Variants in CYB561 observed in about 807,000 individuals in gnomAD.
CYB561 encodes the protein cytochrome b561.
Under a neutral mutation model 25.3 loss-of-function variants are expected in CYB561, and 11 were observed. The ratio of observed to expected loss-of-function variants is 0.44; its 90% CI spans 0.27 to 0.72. The LOEUF is 0.72. Ranked by LOEUF, CYB561 falls within the 30% of genes least tolerant of loss-of-function variation. CYB561 has a pLI of 0.18. For synonymous variants in CYB561, 165 were observed against 158.8 expected (o/e 1.04, Z -0.29); for missense variants, 295 against 334.9 (o/e 0.88, Z 0.93).
In CYB561 at chr17:63,437,741, C is replaced by A. The variant is rs886292853; in HGVS notation, c.-13-181G>T. ...TCCCCCCAGATATGCACAGCCCCCC[C>A]CGAAATGCGCACAGCCGCCCCTGCT... On this transcript the variant is annotated intron_variant, in intron 1 of 5. Coordinates refer to ENST00000360793, the MANE Select transcript of CYB561 (RefSeq NM_001915.4). The A allele has an allele frequency of 9.7e-5, 44 of 455,896 alleles. No individual in the cohort carries two copies. The Admixed American group carries it at 1.2e-3, about 13-fold the overall frequency. The allele number at this position is 455,896 out of a possible 1,614,324, so 28.2% of individuals were successfully genotyped here.
chr17:63,439,566 T>G (rs986997368), intron 1 of CYB561, among the ~76,000 whole-genome samples: 7 of 150,376 alleles, frequency 4.7e-5, no homozygotes, highest in African/African-American at 1.2e-4. Context: ...AAAAAAAGGG[T>G]GTGTGTGTGT....
chr17:63,437,550 T>C lies in CYB561; in HGVS notation c.-3A>G. 1.9e-6 allele frequency: 3 copies of C among 1,606,590 alleles called. No individual in the cohort carries two copies. In the South Asian group the frequency reaches 3.3e-5, roughly 18 times the overall value. The stretch of plus-strand genomic sequence containing the variant: ...GCTGCCGCGGCCCCGCCCTCCATGC[T>C]GAGGCAAACGCTGCAAGAAAGAGCA... On this transcript the variant is annotated 5_prime_UTR_variant, in exon 2 of 6. Coordinates refer to ENST00000360793, the MANE Select transcript of CYB561 (RefSeq NM_001915.4).
chr17:63,434,836 C>T (rs1336837004), intron 5 of CYB561, among the ~76,000 whole-genome samples: 1 of 152,230 alleles, frequency 6.6e-6, no homozygotes, highest in Admixed American at 6.5e-5. Context: ...AGCAGTTGTC[C>T]TGCAGATCCT....
Position 63,434,577 on chromosome 17 carries a change from A to C in CYB561, c.581T>G (p.Phe194Cys), listed in dbSNP as rs768949441. 3 of 1,610,932 alleles carry C rather than the reference A, an allele frequency of 1.9e-6. No individual in the cohort carries two copies. In the Admixed American group the frequency reaches 5.0e-5, roughly 27 times the overall value. ...LFNLGGKYSA[F>C]EPEGVLANVL... ...GTTGGCCAGGACACCCTCGGGCTCA[A>C]ATGCGCTATACTTGCCCCTGCAGGG... The change falls in exon 6 of 6, where the codon TTT (phenylalanine) becomes TGT (cysteine). Residue 194 changes from phenylalanine to cysteine, a missense_variant. Physicochemically the swap from Phe to Cys is radical, Grantham distance 205. Transcript: ENST00000360793.
chr17:63,434,570 G>C lies in CYB561; in HGVS notation c.588C>G (p.Pro196=). 6 of 1,611,550 alleles carry C rather than the reference G, an allele frequency of 3.7e-6. No homozygotes were observed. The highest frequency in any genetic ancestry group is 2.2e-5 in the South Asian group (2 of 91,056). The change falls in exon 6 of 6, where the codon CCC becomes CCG. Residue 196 remains proline, a synonymous_variant. Transcript: ENST00000360793. ...CCAGCACGTTGGCCAGGACACCCTCGGGCTCAAATGCGCTATACTTGCCCC... is the reference window on the plus strand; with the variant it reads ...CCAGCACGTTGGCCAGGACACCCTCCGGCTCAAATGCGCTATACTTGCCCC... ...NLGGKYSAFE[P]EGVLANVLGL...
rs1338086728 is a variant in CYB561, at chr17:63,432,774, A to ATGAC, written c.*1624_*1627dup. On this transcript the variant is annotated 3_prime_UTR_variant, in exon 6 of 6. Coordinates refer to ENST00000360793, the MANE Select transcript of CYB561 (RefSeq NM_001915.4). The stretch of plus-strand genomic sequence containing the variant: ...GGACTACAACCACCTGCTCCCAGAA[A>ATGAC]TGACACTGCCTGAGGCAGGAGACAC... 1.3e-5 allele frequency: 2 copies of ATGAC among 152,354 alleles called. No individual in the cohort carries two copies. The highest frequency in any genetic ancestry group is 2.9e-5 in the Non-Finnish European group (2 of 68,128). The allele number at this position is 152,354 out of a possible 1,614,324, so 9.4% of individuals were successfully genotyped here. A position where few individuals can be genotyped will look rare whatever the true frequency, so the allele number is the denominator to read the frequency against.
At position 63,436,271 on chromosome 17, in the gene CYB561, C is replaced by A; in HGVS notation, c.203-119G>T. On this transcript the variant is annotated intron_variant, in intron 2 of 5. Transcript: ENST00000360793. This position sits in a 1 kb window ranked among gnomAD's most constrained non-coding sequence, Gnocchi z 4.8. ...GTGAGCTGACGGCTTGTAACAGGAGCCTAGCTGCAGGAACCGGAGGAGAAA... is the reference window on the plus strand; with the variant it reads ...GTGAGCTGACGGCTTGTAACAGGAGACTAGCTGCAGGAACCGGAGGAGAAA... 1 of 1,288,146 alleles carries A rather than the reference C, an allele frequency of 7.8e-7. No homozygotes were observed. The highest frequency in any genetic ancestry group is 1.5e-5 in the South Asian group (1 of 68,804). The allele number at this position is 1,288,146 out of a possible 1,614,324, so 79.8% of individuals were successfully genotyped here.
At chr17:63,442,338 G>A (rs1003187421) in intron 1 of CYB561, among the ~76,000 whole-genome samples, 1 of 152,176 alleles carries the variant, frequency 6.6e-6, no homozygotes, top group African/African-American at 2.4e-5. Context: ...AGACATTCTG[G>A]TATCTCTGGA....
intron 1 of CYB561, among the ~76,000 whole-genome samples, chr17:63,441,249 A>G (rs1171236653): frequency 6.6e-6 from 1 of 152,230 alleles, no homozygotes; most frequent in East Asian, 1.9e-4. Context: ...TTGGTGTGTC[A>G]GTAGGGTGGG....
intron 1 of CYB561, chr17:63,440,589 G>T: frequency 4.7e-6 from 1 of 211,298 alleles, no homozygotes; most frequent in Non-Finnish European, 9.3e-6. Flanking sequence ...GCCCTCTAGA[G>T]GAGACGCCTG....
At chr17:63,438,260 A>G (rs1478343495) in intron 1 of CYB561, 2 of 1,528,234 alleles carry the variant, frequency 1.3e-6, no homozygotes, top group Non-Finnish European at 1.8e-6. Context: ...TGGGCTTTAC[A>G]GGTGAGTTAC....
Position 63,434,242 on chromosome 17 carries a change from G to T in CYB561, c.*160C>A, listed in dbSNP as rs537273992. Reference sequence around the variant, plus strand: ...AGCGGAGAAAGGAGAAGCAGAGGAGGCGGAGACCTGACCCCAGAAAGCAGC... The same window carrying T: ...AGCGGAGAAAGGAGAAGCAGAGGAGTCGGAGACCTGACCCCAGAAAGCAGC... On this transcript the variant is annotated 3_prime_UTR_variant, in exon 6 of 6. Transcript: ENST00000360793. The T allele has an allele frequency of 3.2e-5, 20 of 625,534 alleles. No individual in the cohort carries two copies. In the African/African-American group the frequency reaches 3.3e-4, roughly 10 times the overall value. 38.7% of individuals were successfully genotyped at this position (625,534 alleles called of 1,614,324 possible).
chr17:63,433,605 G>C lies in CYB561; in HGVS notation c.*797C>G, dbSNP rs770007217. 1.5e-4 allele frequency: 59 copies of C among 384,674 alleles called. No homozygotes were observed. Among genetic ancestry groups the C allele is most frequent in the Middle Eastern group, 1.3e-3 (2 of 1,534 alleles). 23.8% of individuals were successfully genotyped at this position (384,674 alleles called of 1,614,324 possible). A position where few individuals can be genotyped will look rare whatever the true frequency, so the allele number is the denominator to read the frequency against. On this transcript the variant is annotated 3_prime_UTR_variant, in exon 6 of 6. Coordinates refer to ENST00000360793, the MANE Select transcript of CYB561 (RefSeq NM_001915.4). ...GAGCCTGGGAGAGGAAACCAGAGCT[G>C]AGCCGCAAGGGGGGTGCTACAAGGA...
rs956620272 is a variant in CYB561 at position 63,437,460 on chromosome 17, T to G, written c.88A>C (p.Met30Leu). 5 of 1,613,942 alleles carry G rather than the reference T, an allele frequency of 3.1e-6. No individual in the cohort carries two copies. The highest frequency in any genetic ancestry group is 4.2e-6 in the Non-Finnish European group (5 of 1,179,968). ...TACAGCCCGAGCCACGCGCCGGTCATGGCCACCAAGGTCAGGCCCAGCAGC... is the reference window on the plus strand; with the variant it reads ...TACAGCCCGAGCCACGCGCCGGTCAGGGCCACCAAGGTCAGGCCCAGCAGC... Reference protein sequence around the residue: ...SQLLGLTLVAMTGAWLGLYRG... With the variant: ...SQLLGLTLVALTGAWLGLYRG... Residue 30 changes from methionine (M) to leucine (L), a missense_variant, in exon 2 of 6, where the codon ATG (methionine) becomes CTG (leucine). Met to Leu is a conservative substitution (Grantham distance 15). Coordinates refer to ENST00000360793, the MANE Select transcript of CYB561 (RefSeq NM_001915.4).
At chr17:63,441,141 C>A (rs577982856) in intron 1 of CYB561, among the ~76,000 whole-genome samples, 3 of 152,216 alleles carry the variant, frequency 2.0e-5, no homozygotes, top group Non-Finnish European at 2.9e-5. Context: ...CGACTGCCTG[C>A]GGCTTCAACA....
intron 1 of CYB561, among the ~76,000 whole-genome samples, chr17:63,444,199 T>C (rs937782828): frequency 6.6e-6 from 1 of 152,170 alleles, no homozygotes; most frequent in African/African-American, 2.4e-5. Context: ...GCCGGGCCAA[T>C]TGTTATTATT....
In CYB561 at chr17:63,438,208, C is replaced by T. The variant is rs570544821; in HGVS notation, c.-13-648G>A. On this transcript the variant is annotated intron_variant, in intron 1 of 5. Coordinates refer to ENST00000360793, the MANE Select transcript of CYB561 (RefSeq NM_001915.4). ...CTAGTGAGCTCAAGGGCCCAGTGCCCGGCTTTGTTTTCTGTTTCATGAGGC... is the reference window on the plus strand; with the variant it reads ...CTAGTGAGCTCAAGGGCCCAGTGCCTGGCTTTGTTTTCTGTTTCATGAGGC... 1.1e-3 allele frequency: 1,752 copies of T among 1,535,474 alleles called. 15 individuals carry two copies. Among genetic ancestry groups the T allele is most frequent in the South Asian group, 0.011 (906 of 84,030 alleles).
chr17:63,434,030 G>GC lies in CYB561; in HGVS notation c.*371dup, dbSNP rs546890726. The GC allele has an allele frequency of 1.5e-3, 364 of 246,664 alleles. 1 individual carries two copies. The highest frequency in any genetic ancestry group is 6.6e-3 in the African/African-American group (300 of 45,170). 15.3% of individuals were successfully genotyped at this position (246,664 alleles called of 1,614,324 possible). A position where few individuals can be genotyped will look rare whatever the true frequency, so the allele number is the denominator to read the frequency against. On this transcript the variant is annotated 3_prime_UTR_variant, in exon 6 of 6. Transcript: ENST00000360793. ...TGGCCTTTCCAGGCCTGTCCCTGAG[G>GC]CCCCCCCAGTTTCCCCTGGCCTTGC...
intron 4 of CYB561, 37 bp from the exon 5 acceptor site, chr17:63,435,280 G>A: frequency 1.9e-6 from 3 of 1,602,812 alleles, no homozygotes; most frequent in Non-Finnish European, 2.6e-6. Context: ...GGACAGGGCG[G>A]CCGGACACCC....
Sources: allele counts gnomAD v4.1 joint callset (sites outside exome capture counted in the v4.1 genomes callset), GRCh38; gene constraint gnomAD v4.1.1; non-coding constraint Gnocchi (gnomAD v3.1); transcripts MANE v1.5; gene names NCBI Gene and HGNC (gene_info 2026-07-23, HGNC 2026-07-21).